POTEE: variants seen among roughly 807,000 people sequenced by gnomAD.
POTEE encodes the protein POTE ankyrin domain family member E.
A neutral mutation model predicts 74.2 loss-of-function variants in POTEE; 21 were observed. That is an observed-to-expected ratio of 0.28 (90% CI 0.20 to 0.41). The LOEUF (loss-of-function observed/expected upper bound fraction) is 0.41. POTEE is among the 10% of genes least tolerant of loss of function. The pLI, the probability that POTEE is intolerant of heterozygous loss-of-function variation, is 1.00. For missense variants in POTEE, 525 were observed against 1,158.6 expected (o/e 0.45, Z 7.94); for synonymous variants, 211 against 432.8 (o/e 0.49, Z 6.36).
At chr2:131,217,463 C>T (rs1250854828) in intron 2 of POTEE, among the ~76,000 whole-genome samples, 126 bp from the exon 3 acceptor site, 1 of 129,994 alleles carries the variant, frequency 7.7e-6, no homozygotes, top group Non-Finnish European at 1.6e-5. Context: ...GCTGCAGCTG[C>T]TGCCATGCAC....
intron 6 of POTEE, among the ~76,000 whole-genome samples, chr2:131,224,446 G>C (rs964844640): frequency 8.9e-5 from 13 of 145,932 alleles, no homozygotes; most frequent in African/African-American, 3.3e-4. Flanking sequence ...CCTTTGGCAA[G>C]TTCCTAAAAA....
chr2:131,218,346 T>C lies in POTEE; in HGVS notation c.-57T>C, dbSNP rs1700498031. 3.7e-6 allele frequency: 6 copies of C among 1,605,430 alleles called. No individual in the cohort carries two copies. Among genetic ancestry groups the C allele is most frequent in the African/African-American group, 1.3e-5 (1 of 74,582 alleles). On this transcript the variant is annotated 5_prime_UTR_variant, in exon 4 of 18. Coordinates refer to ENST00000683005, the MANE Select transcript of POTEE (RefSeq NM_001083538.3). Reference sequence around the variant, plus strand: ...GGAGTTACCTGCTAGTTGGTGAAACTGGTTGGTAGACGCGATCTGTTGGCT... The same window carrying C: ...GGAGTTACCTGCTAGTTGGTGAAACCGGTTGGTAGACGCGATCTGTTGGCT...
intron 17 of POTEE, 25 bp from the exon 18 acceptor site, chr2:131,263,330 C>G: frequency 6.2e-7 from 1 of 1,604,222 alleles, no homozygotes; most frequent in Non-Finnish European, 8.5e-7. Context: ...TGAGTGCTAA[C>G]TAAAAGTTCT....
At chr2:131,209,953 G>A (rs1442026026) in intron 1 of POTEE, among the ~76,000 whole-genome samples, 134 bp downstream of exon 1, 5 of 146,298 alleles carry the variant, frequency 3.4e-5, no homozygotes, top group Non-Finnish European at 6.0e-5. Context: ...CATTGCTGGC[G>A]GTGGAGGGGG....
chr2:131,211,347 TG>T (rs980132770), intron 2 of POTEE, among the ~76,000 whole-genome samples, 164 bp downstream of exon 2: 8 of 149,748 alleles, frequency 5.3e-5, no homozygotes, highest in Admixed American at 4.0e-4. Context: ...CAGTCCGACC[TG>T]GGGTGGGGAG....
At chr2:131,233,728 G>C (rs551253332) in intron 9 of POTEE, among the ~76,000 whole-genome samples, 128 of 150,860 alleles carry the variant, frequency 8.5e-4, no homozygotes, top group Admixed American at 2.5e-3. Context: ...TGTGTTCCCA[G>C]TGGCAGTGGG....
At chr2:131,221,587 T>C (rs1700619846) in intron 4 of POTEE, among the ~76,000 whole-genome samples, 2 of 152,180 alleles carry the variant, frequency 1.3e-5, no homozygotes, top group African/African-American at 4.8e-5. Flanking sequence ...ATTTGTCACA[T>C]TCTATTATTT....
Position 131,263,989 on chromosome 2 carries a change from C to G in POTEE, c.2534C>G (p.Ser845Cys). The G allele has an allele frequency of 2.5e-6, 4 of 1,614,220 alleles. No homozygotes were observed. The South Asian group carries it at 3.3e-5, about 13-fold the overall frequency. ...AIQAVPSLYT[S>C]GRTTGIVMDS... ...CAGGCCGTGCCGTCCCTGTACACCT[C>G]TGGCCGTACTACTGGCATCGTGATG... is the stretch of plus-strand genomic sequence containing the variant. Residue 845 changes from serine (S) to cysteine (C), a missense_variant, in exon 18 of 18, where the codon TCT becomes TGT. Ser to Cys is a moderately radical substitution (Grantham distance 112, BLOSUM62 -1). Transcript: ENST00000683005.
At chr2:131,254,730 A>G in intron 16 of POTEE, among the ~76,000 whole-genome samples, 1 of 138,116 alleles carries the variant, frequency 7.2e-6, no homozygotes, top group East Asian at 2.2e-4. Flanking sequence ...ATATTTTTCC[A>G]GTGACTTCAT....
chr2:131,217,907 G>T (rs1292196040), intron 3 of POTEE, among the ~76,000 whole-genome samples: 1 of 149,092 alleles, frequency 6.7e-6, no homozygotes. Flanking sequence ...TAACGGCTTG[G>T]CTGGCCTGTA....
intron 2 of POTEE, among the ~76,000 whole-genome samples, chr2:131,216,290 C>T (rs1213801009): frequency 5.9e-5 from 9 of 152,178 alleles, no homozygotes; most frequent in Non-Finnish European, 8.8e-5. Context: ...TAAATGCAAC[C>T]GCTGTCAAAT....
intron 7 of POTEE, among the ~76,000 whole-genome samples, chr2:131,227,443 C>T (rs1256093955): frequency 7.2e-6 from 1 of 139,064 alleles, no homozygotes; most frequent in Non-Finnish European, 1.5e-5. Flanking sequence ...TTCCCACATA[C>T]TGTGGGTTCA....
chr2:131,215,218 CGTT>C (rs1700423493), intron 2 of POTEE, among the ~76,000 whole-genome samples: 2 of 152,112 alleles, frequency 1.3e-5, no homozygotes, highest in African/African-American at 2.4e-5. Flanking sequence ...ATCATTTAAA[CGTT>C]AGATAATAGA....
At chr2:131,210,782 ACTCCTG>A (rs1220399994) in intron 1 of POTEE, among the ~76,000 whole-genome samples, 1 of 144,040 alleles carries the variant, frequency 6.9e-6, no homozygotes, top group African/African-American at 2.6e-5. Flanking sequence ...AGTTTCTCCT[ACTCCTG>A]CTCCCCAAGG....
At chr2:131,224,330 TG>T (rs1233201919) in intron 6 of POTEE, among the ~76,000 whole-genome samples, 1 of 148,412 alleles carries the variant, frequency 6.7e-6, no homozygotes, top group African/African-American at 2.5e-5. Flanking sequence ...CCTCCTAGGA[TG>T]TTTTTTCCCT....
chr2:131,263,091 G>A (rs1018624774), intron 17 of POTEE, among the ~76,000 whole-genome samples: 14 of 146,662 alleles, frequency 9.5e-5, no homozygotes, highest in Admixed American at 2.0e-4. Flanking sequence ...ATTTTTCATC[G>A]TCTTTAAATA....
At position 131,218,583 on chromosome 2, in the gene POTEE, A is replaced by C; in HGVS notation, c.181A>C (p.Met61Leu). The C allele has an allele frequency of 6.2e-7, 1 of 1,612,242 alleles. No individual in the cohort carries two copies. Among genetic ancestry groups the C allele is most frequent in the Non-Finnish European group, 8.5e-7 (1 of 1,179,672 alleles). Residue 61 changes from methionine (M) to leucine (L), a missense_variant, in exon 4 of 18, where the codon ATG (methionine) becomes CTG (leucine). By Grantham distance (15) the Met-to-Leu change is conservative. Coordinates refer to ENST00000683005, the MANE Select transcript of POTEE (RefSeq NM_001083538.3). ...TGCTATGAAGACACTCAGGAGCAAG[A>C]TGGGCAAGTGGTGCCACCACTGCTT... is the stretch of plus-strand genomic sequence containing the variant. The part of the protein sequence containing the change: ...DSAMKTLRSK[M>L]GKWCHHCFPC...
At position 131,226,702 on chromosome 2, in the gene POTEE, G is replaced by C. The variant is rs7603483; in HGVS notation, c.811-121G>C. On this transcript the variant is annotated intron_variant, in intron 6 of 17. Transcript: ENST00000683005. ...GCACAGAAGAGTGAGAAGGAAGCGAGTACATTTTATTTACTTTCTATGCGT... is the reference window on the plus strand; with the variant it reads ...GCACAGAAGAGTGAGAAGGAAGCGACTACATTTTATTTACTTTCTATGCGT... The C allele has an allele frequency of 0.013, 19,115 of 1,485,704 alleles. 1,894 individuals carry two copies. The African/African-American group carries it at 0.24, about 19-fold the overall frequency. The allele number at this position is 1,485,704 out of a possible 1,614,324, so 92.0% of individuals were successfully genotyped here.
intron 2 of POTEE, among the ~76,000 whole-genome samples, chr2:131,214,656 A>G (rs1340972608): frequency 6.6e-6 from 1 of 152,250 alleles, no homozygotes; most frequent in East Asian, 1.9e-4. Flanking sequence ...ATGTGACTTC[A>G]GTAATCTTTG....
Sources: gnomAD v4.1 joint callset for allele counts (sites outside exome capture counted in the v4.1 genomes callset) on GRCh38, gnomAD v4.1.1 for gene constraint, MANE v1.5 for transcripts, NCBI Gene and HGNC (gene_info 2026-07-23, HGNC 2026-07-21) for gene names.